Variants in DPH6 observed in about 807,000 individuals in gnomAD.
DPH6 encodes the protein diphthine--ammonia ligase.
In DPH6, 33 loss-of-function variants were observed where a neutral mutation model predicts 38.2. The ratio of observed to expected loss-of-function variants is 0.86; its 90% CI spans 0.65 to 1.15. The LOEUF is 1.15. DPH6 is among the 50% of genes most tolerant of loss of function. The probability of loss-of-function intolerance (pLI) is 0.00; values close to 1 mark genes in which losing one functional copy is unlikely to be tolerated. For synonymous variants in DPH6, 108 were observed against 103.0 expected, an observed-to-expected ratio of 1.05 and a Z score of -0.30; for missense variants, 325 against 320.0, an observed-to-expected ratio of 1.02 and a Z score of -0.12.
intron 3 of DPH6, among the ~76,000 whole-genome samples, chr15:35,252,664 T>C (rs1407730701): frequency 6.6e-6 from 1 of 152,134 alleles, no homozygotes; most frequent in Non-Finnish European, 1.5e-5. Flanking sequence ...CCTCTCCCCA[T>C]CCGGAAATAG....
At chr15:35,524,305 CACCAGGCTAATCCCTAG>C (rs745564582) in intron 3 of DPH6, among the ~76,000 whole-genome samples, 16 of 152,042 alleles carry the variant, frequency 1.1e-4, no homozygotes, top group Non-Finnish European at 1.5e-4. Flanking sequence ...CATGGACTAG[CACCAGGCTAATCCCTAG>C]ACCACACTTT....
intron 8 of DPH6, 34 bp from the exon 9 acceptor site, chr15:35,372,237 T>A: frequency 6.3e-6 from 9 of 1,420,248 alleles, no homozygotes; most frequent in South Asian, 1.5e-5. Context: ...GGAAGGAAAA[T>A]GCACCATATT....
chr15:35,508,214 G>C (rs1311176679), intron 3 of DPH6, among the ~76,000 whole-genome samples: 3 of 151,996 alleles, frequency 2.0e-5, no homozygotes, highest in Non-Finnish European at 2.9e-5. Flanking sequence ...CCAAGACTTT[G>C]CCCAACAAAT....
downstream of DPH6, chr15:35,217,228 G>A (rs763711929): frequency 6.6e-6 from 1 of 152,112 alleles, no homozygotes; most frequent in Non-Finnish European, 1.5e-5. Context: ...TGAAGTATAA[G>A]CAAAAATTTA....
At chr15:35,155,232 T>C in the DPH6 span, among the ~76,000 whole-genome samples, 4 of 151,510 alleles carry the variant, frequency 2.6e-5, no homozygotes, top group East Asian at 1.9e-4. Context: ...ACTGGATTTA[T>C]AAACTCCTTA....
the DPH6 span, among the ~76,000 whole-genome samples, chr15:35,206,699 C>T: frequency 6.6e-6 from 1 of 152,174 alleles, no homozygotes. Context: ...AATTCACACA[C>T]TGATATGATT....
At chr15:35,426,275 A>T (rs569457100) in intron 5 of DPH6, among the ~76,000 whole-genome samples, 2 of 151,872 alleles carry the variant, frequency 1.3e-5, no homozygotes, top group African/African-American at 4.8e-5. Context: ...ATCACAATTA[A>T]CTCTACTTGA....
intron 3 of DPH6, chr15:35,490,118 C>A: frequency 1.0e-6 from 1 of 985,382 alleles, no homozygotes; most frequent in Non-Finnish European, 1.2e-6. Context: ...TCTTTTTCAA[C>A]TGCACTTCAA....
chr15:35,495,066 T>C (rs1390966282), intron 3 of DPH6, among the ~76,000 whole-genome samples: 1 of 152,196 alleles, frequency 6.6e-6, no homozygotes. Flanking sequence ...ATTGTATTCC[T>C]ATATGTCACC....
the DPH6 span, among the ~76,000 whole-genome samples, chr15:35,151,519 G>A: frequency 6.6e-6 from 1 of 152,236 alleles, no homozygotes; most frequent in African/African-American, 2.4e-5. Flanking sequence ...CACCATCTGT[G>A]TGGCATTTGC....
chr15:35,147,116 G>T, the DPH6 span, among the ~76,000 whole-genome samples: 1 of 152,160 alleles, frequency 6.6e-6, no homozygotes, highest in Non-Finnish European at 1.5e-5. Flanking sequence ...GCAAGCATTT[G>T]ATCTAAATGC....
At chr15:35,146,500 G>A in the DPH6 span, among the ~76,000 whole-genome samples, 1 of 152,024 alleles carries the variant, frequency 6.6e-6, no homozygotes, top group Non-Finnish European at 1.5e-5. Flanking sequence ...ATGTTATGAT[G>A]AGAGGGAGAA....
chr15:35,213,956 C>CA (rs1437319357), downstream of DPH6, among the ~76,000 whole-genome samples: 15 of 152,064 alleles, frequency 9.9e-5, no homozygotes, highest in Non-Finnish European at 2.1e-4. Flanking sequence ...ATTAAAAATA[C>CA]AAAAAATTAG....
At chr15:35,441,935 G>C (rs2053794260) in intron 5 of DPH6, among the ~76,000 whole-genome samples, 1 of 152,010 alleles carries the variant, frequency 6.6e-6, no homozygotes, top group Non-Finnish European at 1.5e-5. Flanking sequence ...AAAACTCTTA[G>C]AAGAAAACAT....
At chr15:35,491,879 T>C (rs1056195366) in intron 3 of DPH6, among the ~76,000 whole-genome samples, 5 of 151,254 alleles carry the variant, frequency 3.3e-5, no homozygotes, top group African/African-American at 1.2e-4. Flanking sequence ...TGTATATATA[T>C]ACACGTACAT....
chr15:35,161,785 G>A, the DPH6 span, among the ~76,000 whole-genome samples: 1 of 151,862 alleles, frequency 6.6e-6, no homozygotes, highest in Non-Finnish European at 1.5e-5. Flanking sequence ...TCAACAGGAA[G>A]CAAATCAACT....
At chr15:35,316,501 T>C (rs2052189779) in intron 3 of DPH6, among the ~76,000 whole-genome samples, 1 of 152,094 alleles carries the variant, frequency 6.6e-6, no homozygotes. Context: ...ATAGGTTAAA[T>C]AGAATACTGG....
chr15:35,482,913 G>C (rs2054345676), intron 3 of DPH6, among the ~76,000 whole-genome samples: 1 of 151,706 alleles, frequency 6.6e-6, no homozygotes, highest in African/African-American at 2.4e-5. Flanking sequence ...AACTGAAACA[G>C]TTTGCAAATC....
intron 3 of DPH6, among the ~76,000 whole-genome samples, chr15:35,245,590 T>C (rs909096542): frequency 1.3e-5 from 2 of 152,160 alleles, no homozygotes; most frequent in African/African-American, 4.8e-5. Flanking sequence ...ATTGGTTAGC[T>C]TCAGGGTTTA....
Sources: allele counts gnomAD v4.1 joint callset (sites outside exome capture counted in the v4.1 genomes callset), GRCh38; gene constraint gnomAD v4.1.1; transcripts MANE v1.5; gene names NCBI Gene and HGNC (gene_info 2026-07-23, HGNC 2026-07-21).